The following MCTP2 variants were observed in gnomAD, a reference collection of about 807,000 sequenced individuals.
MCTP2 encodes the protein multiple C2 and transmembrane domain containing 2.
MCTP2 carries 132 observed loss-of-function variants against 111.6 expected under a neutral mutation model. The ratio of observed to expected loss-of-function variants is 1.18; its 90% confidence interval spans 1.03 to 1.37. The LOEUF is 1.37. Among genes scored for constraint, MCTP2 ranks in the 40% most tolerant of loss-of-function variants. The pLI, the probability that MCTP2 is intolerant of heterozygous loss-of-function variation, is 0.00. For missense variants in MCTP2, 1,183 were observed against 1,067.9 expected, an observed-to-expected ratio of 1.11 and a Z score of -1.50; for synonymous variants, 395 against 387.7, an observed-to-expected ratio of 1.02 and a Z score of -0.22.
At chr15:94,245,320 A>C (rs1567264210) in intron 1 of MCTP2, among the ~76,000 whole-genome samples, 1 of 141,624 alleles carries the variant, frequency 7.1e-6, no homozygotes, top group Non-Finnish European at 1.5e-5. Context: ...ATGTACATAT[A>C]TTTACATACA....
At chr15:94,439,001 A>G (rs1475626014) in intron 17 of MCTP2, among the ~76,000 whole-genome samples, 7 of 152,296 alleles carry the variant, frequency 4.6e-5, no homozygotes, top group East Asian at 1.9e-4. Context: ...TTATGTGACT[A>G]TATTCTTAGA....
intron 14 of MCTP2, among the ~76,000 whole-genome samples, chr15:94,393,541 T>C (rs2081110015): frequency 6.6e-6 from 1 of 152,076 alleles, no homozygotes; most frequent in African/African-American, 2.4e-5. Context: ...GGAAATCCTA[T>C]GTAAGTAAAC....
intron 4 of MCTP2, among the ~76,000 whole-genome samples, chr15:94,327,822 C>A (rs1021688106): frequency 3.3e-5 from 5 of 152,200 alleles, no homozygotes; most frequent in Non-Finnish European, 7.3e-5. Flanking sequence ...ACAACTGAAC[C>A]ATTTCCTCTG....
intron 2 of MCTP2, among the ~76,000 whole-genome samples, chr15:94,302,326 C>T: frequency 6.6e-6 from 1 of 152,150 alleles, no homozygotes; most frequent in East Asian, 1.9e-4. Context: ...TCAGCAATGC[C>T]TGAATTCTGC....
intron 19 of MCTP2, 129 bp downstream of exon 19, chr15:94,443,089 T>A: frequency 1.7e-6 from 1 of 574,480 alleles, no homozygotes; most frequent in Non-Finnish European, 2.9e-6. Flanking sequence ...ACCAGTATAG[T>A]AATATTATTG....
chr15:94,334,356 T>C (rs749977870), intron 4 of MCTP2, among the ~76,000 whole-genome samples: 7 of 152,254 alleles, frequency 4.6e-5, no homozygotes, highest in Non-Finnish European at 8.8e-5. Flanking sequence ...ATTCATTCAT[T>C]CATCACATAA....
At chr15:94,294,918 CT>C (rs560958059) in intron 1 of MCTP2, among the ~76,000 whole-genome samples, 2 of 134,512 alleles carry the variant, frequency 1.5e-5, no homozygotes, top group East Asian at 4.2e-4. Flanking sequence ...AAACTTTTTT[CT>C]CTTTATTTTT....
intron 1 of MCTP2, among the ~76,000 whole-genome samples, chr15:94,236,811 C>T (rs925523842): frequency 1.1e-4 from 17 of 152,114 alleles, no homozygotes; most frequent in Non-Finnish European, 2.4e-4. Context: ...AGTGAGTCAG[C>T]AGGAAAGGCG....
At chr15:94,400,332 A>G (rs2081507288) in intron 16 of MCTP2, among the ~76,000 whole-genome samples, 1 of 152,130 alleles carries the variant, frequency 6.6e-6, no homozygotes, top group Non-Finnish European at 1.5e-5. Flanking sequence ...TCCTTTAATC[A>G]CAGCCATTTT....
intron 20 of MCTP2, among the ~76,000 whole-genome samples, chr15:94,469,988 C>T (rs1173958302): frequency 6.6e-6 from 1 of 152,102 alleles, no homozygotes; most frequent in Non-Finnish European, 1.5e-5. Flanking sequence ...AGTGACCTAA[C>T]CCTTAGTTTT....
intron 1 of MCTP2, among the ~76,000 whole-genome samples, chr15:94,274,555 T>C (rs1466035697): frequency 6.6e-6 from 1 of 152,036 alleles, no homozygotes; most frequent in East Asian, 1.9e-4. Flanking sequence ...CTAAACATGA[T>C]ATAGAAATGA....
chr15:94,355,555 C>T (rs1262583875), intron 8 of MCTP2, among the ~76,000 whole-genome samples: 1 of 152,100 alleles, frequency 6.6e-6, no homozygotes, highest in African/African-American at 2.4e-5. Flanking sequence ...TTTATACGCC[C>T]CCTTCCCTCC....
intron 1 of MCTP2, among the ~76,000 whole-genome samples, chr15:94,239,052 C>G (rs1296213779): frequency 1.3e-5 from 2 of 150,046 alleles, no homozygotes; most frequent in African/African-American, 2.5e-5. Flanking sequence ...CAAAAACACC[C>G]AAATTAAAAA....
At chr15:94,442,599 G>C (rs926610140) in intron 18 of MCTP2, among the ~76,000 whole-genome samples, 1 of 152,142 alleles carries the variant, frequency 6.6e-6, no homozygotes, top group Admixed American at 6.5e-5. Context: ...CGTAGCAGTT[G>C]GTTCATTTGT....
At chr15:94,432,548 A>C (rs1401440242) in intron 17 of MCTP2, among the ~76,000 whole-genome samples, 3 of 152,158 alleles carry the variant, frequency 2.0e-5, no homozygotes, top group Non-Finnish European at 4.4e-5. Flanking sequence ...TACAAAATAC[A>C]AGTATAAAAC....
At chr15:94,465,241 T>C (rs1408222204) in intron 20 of MCTP2, among the ~76,000 whole-genome samples, 1 of 152,148 alleles carries the variant, frequency 6.6e-6, no homozygotes. Flanking sequence ...TGACCAATAT[T>C]GGTATGGCTA....
intron 1 of MCTP2, among the ~76,000 whole-genome samples, chr15:94,274,917 T>TAA (rs1165044341): frequency 6.6e-6 from 1 of 152,160 alleles, no homozygotes. Context: ...AACATAGGTG[T>TAA]AAAAATCCTA....
intron 17 of MCTP2, among the ~76,000 whole-genome samples, chr15:94,420,925 C>A (rs2082596836): frequency 6.6e-6 from 1 of 152,074 alleles, no homozygotes; most frequent in Non-Finnish European, 1.5e-5. Context: ...TTTATGAAAG[C>A]AAGAGTCAAT....
At chr15:94,434,087 T>A (rs1280445970) in intron 17 of MCTP2, among the ~76,000 whole-genome samples, 1 of 151,906 alleles carries the variant, frequency 6.6e-6, no homozygotes, top group African/African-American at 2.4e-5. Flanking sequence ...TATATTTTGA[T>A]GAAGTCTTTT....
Sources: gnomAD v4.1 joint callset for allele counts (sites outside exome capture counted in the v4.1 genomes callset) on GRCh38, gnomAD v4.1.1 for gene constraint, MANE v1.5 for transcripts, NCBI Gene and HGNC (gene_info 2026-07-23, HGNC 2026-07-21) for gene names.